The following RALYL variants were observed in gnomAD, a reference collection of about 807,000 sequenced individuals.
RALYL encodes RALY RNA binding protein like.
A neutral mutation model predicts 35.1 loss-of-function variants in RALYL; 29 were observed. The observed-to-expected ratio is 0.83, with a 90% CI of 0.61 to 1.13. The LOEUF (loss-of-function observed/expected upper bound fraction) is 1.13. RALYL is among the 50% of genes most tolerant of loss of function. RALYL has a pLI of 0.00. For synonymous variants in RALYL, 120 were observed against 127.6 expected, an observed-to-expected ratio of 0.94 and a Z score of 0.40; for missense variants, 359 against 360.4, an observed-to-expected ratio of 1.00 and a Z score of 0.03.
intron 7 of RALYL, among the ~76,000 whole-genome samples, chr8:84,880,571 A>G (rs952253320): frequency 6.6e-6 from 1 of 151,458 alleles, no homozygotes; most frequent in Non-Finnish European, 1.5e-5. Context: ...CCTTCCCTCT[A>G]TTTTCCTAAA....
chr8:84,522,470 C>T (rs970053361), intron 1 of RALYL, among the ~76,000 whole-genome samples: 8 of 151,776 alleles, frequency 5.3e-5, no homozygotes, highest in South Asian at 2.1e-4. Flanking sequence ...GGGATAGTCT[C>T]GATCTCCTGA....
chr8:84,861,635 C>A (rs1280550054), intron 5 of RALYL, among the ~76,000 whole-genome samples: 1 of 152,084 alleles, frequency 6.6e-6, no homozygotes, highest in Non-Finnish European at 1.5e-5. Context: ...ATAAATATTT[C>A]CCACCGTAAG....
At chr8:84,265,837 A>C (rs1019804352) in intron 1 of RALYL, among the ~76,000 whole-genome samples, 1 of 152,142 alleles carries the variant, frequency 6.6e-6, no homozygotes, top group Admixed American at 6.5e-5. Context: ...ACACAAACCT[A>C]TAATTTTTTA....
chr8:84,669,619 C>T (rs1832829078), intron 2 of RALYL, among the ~76,000 whole-genome samples: 1 of 151,750 alleles, frequency 6.6e-6, no homozygotes, highest in Admixed American at 6.6e-5. Flanking sequence ...CATTAATTTG[C>T]TTAAGATTCT....
chr8:84,218,484 A>T (rs1028736504), intron 1 of RALYL, among the ~76,000 whole-genome samples: 4 of 152,132 alleles, frequency 2.6e-5, no homozygotes, highest in Non-Finnish European at 5.9e-5. Flanking sequence ...AAAATGTGAT[A>T]AATATGTCCT....
chr8:84,234,502 T>C (rs557019075), intron 1 of RALYL, among the ~76,000 whole-genome samples: 94 of 152,294 alleles, frequency 6.2e-4, no homozygotes, highest in African/African-American at 2.1e-3. Context: ...AATGTTAAGA[T>C]AGGAATTTAT....
At chr8:84,289,389 G>A (rs943064961) in intron 1 of RALYL, among the ~76,000 whole-genome samples, 1 of 152,156 alleles carries the variant, frequency 6.6e-6, no homozygotes, top group Non-Finnish European at 1.5e-5. Context: ...AAGGAAGCAG[G>A]TACGGAGTTT....
chr8:84,476,038 A>G (rs1054856406), intron 1 of RALYL, among the ~76,000 whole-genome samples: 1 of 152,192 alleles, frequency 6.6e-6, no homozygotes, highest in African/African-American at 2.4e-5. Context: ...TTTCAGGGAT[A>G]AAATGGTGAA....
intron 1 of RALYL, among the ~76,000 whole-genome samples, chr8:84,204,350 A>G (rs1179769337): frequency 6.6e-6 from 1 of 152,178 alleles, no homozygotes; most frequent in Non-Finnish European, 1.5e-5. Context: ...TATAAATAAT[A>G]TTCTGCCGTT....
At chr8:84,520,773 G>A (rs559101864) in intron 1 of RALYL, among the ~76,000 whole-genome samples, 4 of 152,266 alleles carry the variant, frequency 2.6e-5, no homozygotes, top group African/African-American at 9.6e-5. Flanking sequence ...AATGCTTGAT[G>A]ATCTGAGGTG....
At chr8:84,237,914 A>G (rs1826946510) in intron 1 of RALYL, among the ~76,000 whole-genome samples, 1 of 152,120 alleles carries the variant, frequency 6.6e-6, no homozygotes, top group African/African-American at 2.4e-5. Context: ...GTACACCAAA[A>G]GAGGCCAAAG....
Position 84,655,962 on chromosome 8 carries a change from C to T in RALYL, c.257-118617C>T, listed in dbSNP as rs118050961. 9.4e-3 allele frequency among the ~76,000 whole-genome samples: 1,428 copies of T among 152,136 alleles called. 15 individuals carry two copies. Among genetic ancestry groups the T allele is most frequent in the Non-Finnish European group, 0.014 (936 of 68,002 alleles). ...GATCTTATGCATTACGGAGAACCAG[C>T]GATGGTTAATACCTTATGGCATATA... On this transcript the variant is annotated intron_variant, in intron 2 of 8. Transcript: ENST00000521268.
At chr8:84,480,848 A>T (rs1269557341) in intron 1 of RALYL, among the ~76,000 whole-genome samples, 1 of 152,176 alleles carries the variant, frequency 6.6e-6, no homozygotes, top group Non-Finnish European at 1.5e-5. Flanking sequence ...TGTTGTAATT[A>T]ATTTTATCTG....
chr8:84,771,954 T>A (rs540389168), intron 2 of RALYL, among the ~76,000 whole-genome samples: 77 of 152,228 alleles, frequency 5.1e-4, no homozygotes, highest in African/African-American at 1.7e-3. Flanking sequence ...AAAAAGATAT[T>A]CTATTTTATT....
chr8:84,434,775 G>A (rs1299645617), intron 1 of RALYL, among the ~76,000 whole-genome samples: 1 of 152,054 alleles, frequency 6.6e-6, no homozygotes, highest in African/African-American at 2.4e-5. Flanking sequence ...CTCCCGAGTA[G>A]CTGAGATCAC....
chr8:84,495,962 G>T (rs1316258746), intron 1 of RALYL, among the ~76,000 whole-genome samples: 2 of 151,914 alleles, frequency 1.3e-5, no homozygotes, highest in Non-Finnish European at 2.9e-5. Context: ...TTAATAAGTT[G>T]TACTTCTCTG....
chr8:84,205,997 A>C (rs558301174), intron 1 of RALYL, among the ~76,000 whole-genome samples: 1 of 152,134 alleles, frequency 6.6e-6, no homozygotes, highest in African/African-American at 2.4e-5. Flanking sequence ...CTGTTTTCTC[A>C]ATCTCCTCTT....
At chr8:84,392,195 AG>A in intron 1 of RALYL, among the ~76,000 whole-genome samples, 1 of 152,122 alleles carries the variant, frequency 6.6e-6, no homozygotes, top group African/African-American at 2.4e-5. Flanking sequence ...CCACTGCAGA[AG>A]AGTTTAATAT....
At chr8:84,485,575 C>T (rs4740014) in intron 1 of RALYL, among the ~76,000 whole-genome samples, 55,532 of 151,764 alleles carry the variant, frequency 0.37, 10,307 homozygotes, top group South Asian at 0.52. Flanking sequence ...AACGAGACTG[C>T]CTCAAAACAA....
Sources: gnomAD v4.1 joint callset for allele counts (sites outside exome capture counted in the v4.1 genomes callset) on GRCh38, gnomAD v4.1.1 for gene constraint, MANE v1.5 for transcripts, NCBI Gene and HGNC (gene_info 2026-07-23, HGNC 2026-07-21) for gene names.